Variants in LINGO1 observed in about 807,000 individuals in gnomAD.
LINGO1 encodes leucine-rich repeat and immunoglobulin-like domain-containing nogo receptor-interacting protein 1.
A neutral mutation model predicts 37.3 loss-of-function variants in LINGO1; 11 were observed. That is an observed-to-expected ratio of 0.29 (90% CI 0.19 to 0.49). The LOEUF is 0.49. Among genes scored for constraint, LINGO1 ranks in the 20% least tolerant of loss-of-function variants. LINGO1 has a pLI of 0.99. For synonymous variants in LINGO1, 387 were observed against 403.0 expected (o/e 0.96, Z 0.48); for missense variants, 585 against 878.2 (o/e 0.67, Z 4.22).
chr15:77,787,477 C>G (rs1296674162), upstream of LINGO1, among the ~76,000 whole-genome samples: 1 of 151,432 alleles, frequency 6.6e-6, no homozygotes, highest in Non-Finnish European at 1.5e-5. Context: ...AGGCTAAGCA[C>G]AGGGTGTGGG....
intron 3 of LINGO1, among the ~76,000 whole-genome samples, chr15:77,643,049 C>A (rs1017124621): frequency 6.6e-6 from 1 of 152,250 alleles, no homozygotes; most frequent in African/African-American, 2.4e-5. Context: ...ACAGCGCACT[C>A]TCTGACAGCC....
chr15:77,699,676 T>C (rs891333321), upstream of LINGO1, among the ~76,000 whole-genome samples: 10 of 1,186 alleles, frequency 8.4e-3, no homozygotes, highest in East Asian at 0.024. Flanking sequence ...ATACTAACCA[T>C]CATCTGCACA....
intron 1 of LINGO1, among the ~76,000 whole-genome samples, chr15:77,804,715 C>T (rs751208371): frequency 6.6e-6 from 1 of 152,176 alleles, no homozygotes; most frequent in East Asian, 1.9e-4. Flanking sequence ...CCAGCAGTGG[C>T]CTGAGGCCCA....
intron 3 of LINGO1, chr15:77,642,006 G>A (rs1467392833): frequency 2.2e-6 from 1 of 456,652 alleles, no homozygotes; most frequent in East Asian, 6.9e-5. Flanking sequence ...GCCACCTGGG[G>A]ATACTCATGC....
chr15:77,801,231 G>A (rs1290343618), intron 1 of LINGO1, among the ~76,000 whole-genome samples: 1 of 152,218 alleles, frequency 6.6e-6, no homozygotes, highest in Non-Finnish European at 1.5e-5. Context: ...CGGAAACATT[G>A]CTGGTAAGAC....
intron 3 of LINGO1, among the ~76,000 whole-genome samples, chr15:77,671,162 T>C (rs1186848230): frequency 1.6e-5 from 1 of 61,900 alleles, no homozygotes; most frequent in Non-Finnish European, 2.9e-5. Context: ...GACTTGTGCC[T>C]GACTGTGGAG....
At chr15:77,627,592 T>C (rs1460263195) in intron 1 of LINGO1, among the ~76,000 whole-genome samples, 1 of 152,152 alleles carries the variant, frequency 6.6e-6, no homozygotes, top group Non-Finnish European at 1.5e-5. Context: ...TGCTCAGCAA[T>C]GCCAGGCTTC....
intron 1 of LINGO1, among the ~76,000 whole-genome samples, chr15:77,778,670 T>G (rs979285312): frequency 1.9e-4 from 29 of 152,154 alleles, no homozygotes; most frequent in African/African-American, 6.0e-4. Context: ...CTATCCAGAA[T>G]CAACCACTTC....
At chr15:77,657,941 G>A (rs917112898) in intron 3 of LINGO1, among the ~76,000 whole-genome samples, 3 of 152,010 alleles carry the variant, frequency 2.0e-5, no homozygotes, top group African/African-American at 7.3e-5. Context: ...TTAAAAAACC[G>A]CACACACACA....
At chr15:77,695,294 G>T (rs2075672356) in intron 1 of LINGO1, among the ~76,000 whole-genome samples, 2 of 152,100 alleles carry the variant, frequency 1.3e-5, no homozygotes, top group Non-Finnish European at 2.9e-5. Context: ...GTGGGCAGGG[G>T]GTGGCAGAGA....
chr15:77,723,833 G>A (rs1291100925), intron 2 of LINGO1, among the ~76,000 whole-genome samples: 2 of 152,206 alleles, frequency 1.3e-5, no homozygotes, highest in Non-Finnish European at 2.9e-5. Flanking sequence ...GTGGGGGAGG[G>A]GGCAACAGTT....
At chr15:77,743,568 C>T (rs929906686) in intron 1 of LINGO1, among the ~76,000 whole-genome samples, 9 of 152,168 alleles carry the variant, frequency 5.9e-5, no homozygotes, top group African/African-American at 2.2e-4. Context: ...ACTGTGGGCA[C>T]AGAGTAGGGA....
At chr15:77,690,200 A>T (rs1316888857) in intron 2 of LINGO1, among the ~76,000 whole-genome samples, 1 of 152,148 alleles carries the variant, frequency 6.6e-6, no homozygotes, top group African/African-American at 2.4e-5. Flanking sequence ...GGAAGGACAG[A>T]CCCTGACCCC....
intron 2 of LINGO1, among the ~76,000 whole-genome samples, chr15:77,703,003 T>C (rs887877694): frequency 6.6e-6 from 1 of 152,252 alleles, no homozygotes; most frequent in Non-Finnish European, 1.5e-5. Flanking sequence ...CCACTGGCTT[T>C]GGACCAGGCA....
chr15:77,809,907 C>T (rs371640919), intron 1 of LINGO1, among the ~76,000 whole-genome samples: 61 of 152,286 alleles, frequency 4.0e-4, no homozygotes, highest in Non-Finnish European at 7.1e-4. Context: ...AACAGACAGG[C>T]TTGCTGTGGG....
intron 1 of LINGO1, among the ~76,000 whole-genome samples, chr15:77,780,078 A>G (rs1032549528): frequency 5.9e-5 from 9 of 152,188 alleles, no homozygotes; most frequent in Middle Eastern, 3.2e-3. Context: ...GCTTTACAGG[A>G]TAAGTAGGAG....
At chr15:77,770,706 G>A (rs555923790) in intron 1 of LINGO1, among the ~76,000 whole-genome samples, 1 of 152,110 alleles carries the variant, frequency 6.6e-6, no homozygotes, top group Non-Finnish European at 1.5e-5. Flanking sequence ...CCAGATCCGG[G>A]GACCCTTCAG....
At chr15:77,696,974 G>T (rs993140906), upstream of LINGO1, among the ~76,000 whole-genome samples, 1 of 152,272 alleles carries the variant, frequency 6.6e-6, no homozygotes, top group African/African-American at 2.4e-5. Flanking sequence ...CAGGACAGGG[G>T]TCTGCGAGAG....
intron 2 of LINGO1, among the ~76,000 whole-genome samples, chr15:77,795,053 CA>C: frequency 6.6e-6 from 1 of 152,250 alleles, no homozygotes; most frequent in African/African-American, 2.4e-5. Context: ...AAAATGAGGA[CA>C]ATACGCCAGG....
Sources: gnomAD v4.1 joint callset for allele counts (sites outside exome capture counted in the v4.1 genomes callset) on GRCh38, gnomAD v4.1.1 for gene constraint, MANE v1.5 for transcripts, NCBI Gene and HGNC (gene_info 2026-07-23, HGNC 2026-07-21) for gene names.